CEACAM4: variants seen among roughly 807,000 people sequenced by gnomAD.
CEACAM4 encodes CEA cell adhesion molecule 4.
In CEACAM4, 30 loss-of-function variants were observed where a neutral mutation model predicts 28.7. That is an observed-to-expected ratio of 1.05 (90% CI 0.78 to 1.42). The LOEUF (loss-of-function observed/expected upper bound fraction) is 1.42. Ranked by LOEUF, CEACAM4 falls within the 40% of genes most tolerant of loss-of-function variation. CEACAM4 has a pLI of 0.00. For missense variants in CEACAM4, 330 were observed against 308.2 expected, an observed-to-expected ratio of 1.07 and a Z score of -0.53; for synonymous variants, 143 against 126.5, an observed-to-expected ratio of 1.13 and a Z score of -0.87.
chr19:41,624,750 A>G (rs1351151721), intron 2 of CEACAM4, among the ~76,000 whole-genome samples: 6 of 152,118 alleles, frequency 3.9e-5, no homozygotes, highest in African/African-American at 1.4e-4. Flanking sequence ...TCCCCTCCAT[A>G]CAATATGTAA....
downstream of CEACAM4, among the ~76,000 whole-genome samples, chr19:41,618,418 G>A (rs1555799497): frequency 6.6e-6 from 1 of 152,176 alleles, no homozygotes; most frequent in Non-Finnish European, 1.5e-5. Flanking sequence ...AATCTTGGTT[G>A]CTCTGACAGC....
At chr19:41,624,380 CA>C (rs2071504753) in intron 2 of CEACAM4, among the ~76,000 whole-genome samples, 1 of 152,146 alleles carries the variant, frequency 6.6e-6, no homozygotes, top group Admixed American at 6.5e-5. Context: ...GAATGATACC[CA>C]CACATCAGAA....
At chr19:41,625,003 C>T (rs2071544850) in intron 2 of CEACAM4, among the ~76,000 whole-genome samples, 3 of 152,202 alleles carry the variant, frequency 2.0e-5, no homozygotes, top group Non-Finnish European at 2.9e-5. Flanking sequence ...GCTCCTCATT[C>T]AGGGGGCCAA....
chr19:41,622,597 C>T (rs2071359700), intron 2 of CEACAM4, among the ~76,000 whole-genome samples: 1 of 152,178 alleles, frequency 6.6e-6, no homozygotes, highest in Non-Finnish European at 1.5e-5. Context: ...GAATCTGAGA[C>T]TTACAGTACC....
downstream of CEACAM4, among the ~76,000 whole-genome samples, chr19:41,617,891 G>A (rs1364758573): frequency 2.0e-5 from 3 of 149,946 alleles, no homozygotes; most frequent in African/African-American, 7.3e-5. Context: ...CTCATCTGAC[G>A]CTGTGTGCAG....
chr19:41,615,039 T>A (rs1358004146), downstream of CEACAM4, among the ~76,000 whole-genome samples: 1 of 151,790 alleles, frequency 6.6e-6, no homozygotes, highest in Non-Finnish European at 1.5e-5. Context: ...AACCTGCCTC[T>A]GGGGTACAAG....
chr19:41,614,380 C>T (rs1348459221), downstream of CEACAM4, among the ~76,000 whole-genome samples: 1 of 152,208 alleles, frequency 6.6e-6, no homozygotes, highest in Admixed American at 6.5e-5. Flanking sequence ...GGGAGGCCTT[C>T]AGAAGTAGGA....
At chr19:41,620,154 C>A in intron 5 of CEACAM4, 57 bp downstream of exon 5, 2 of 1,437,498 alleles carry the variant, frequency 1.4e-6, no homozygotes, top group Non-Finnish European at 9.3e-7. Flanking sequence ...TCCCCCTGCC[C>A]TGAGCCTGCA....
chr19:41,621,687 G>A lies in CEACAM4; in HGVS notation c.506C>T (p.Ala169Val), dbSNP rs782754820. Residue 169 changes from alanine to valine, a missense_variant, in exon 3 of 7, where the codon GCC (alanine) becomes GTC (valine). Ala to Val is a moderately conservative substitution (Grantham distance 64). Coordinates refer to ENST00000221954, the MANE Select transcript of CEACAM4 (RefSeq NM_001817.4). ...GVLVGVALVAALVCFLLLSRT... is the reference protein window; with the variant it reads ...GVLVGVALVAVLVCFLLLSRT... ...GGAGAGAAGCAGAAAACACACCAGG[G>A]CGGCCACCAGAGCCACCCCAACCAG... 11 of 1,611,484 alleles carry A rather than the reference G, an allele frequency of 6.8e-6. No homozygotes were observed. The South Asian group carries it at 9.9e-5, about 14-fold the overall frequency.
intron 4 of CEACAM4, 96 bp from the exon 5 acceptor site, chr19:41,620,338 GGA>G: frequency 8.4e-7 from 1 of 1,188,762 alleles, no homozygotes; most frequent in Non-Finnish European, 1.1e-6. Flanking sequence ...AGAGAATCAG[GGA>G]GAGGGAGCCT....
chr19:41,621,793 G>C (rs199597961), intron 2 of CEACAM4, 25 bp from the exon 3 acceptor site: 20 of 1,382,610 alleles, frequency 1.4e-5, no homozygotes, highest in Non-Finnish European at 1.9e-5. Context: ...AGGCAAAGGG[G>C]ACAAGGCCCA....
In CEACAM4 at chr19:41,626,900, C is replaced by A; in HGVS notation, c.64G>T (p.Ala22Ser). ...HRPWQGLLIT[A>S]SLLTFWHPPT... ...CACTCCCAGAGAGTCCTCCCCTCACCTGTGATCAGGAGCCCCTGCCAGGGC... is the reference window on the plus strand; with the variant it reads ...CACTCCCAGAGAGTCCTCCCCTCACATGTGATCAGGAGCCCCTGCCAGGGC... Residue 22 changes from alanine to serine, a missense_variant and splice_region_variant, in exon 1 of 7, where the codon GCC (alanine) becomes TCC (serine). Coordinates refer to ENST00000221954, the MANE Select transcript of CEACAM4 (RefSeq NM_001817.4). The A allele has an allele frequency of 6.2e-7, 1 of 1,611,432 alleles. No homozygotes were observed. Among genetic ancestry groups the A allele is most frequent in the Non-Finnish European group, 8.5e-7 (1 of 1,178,498 alleles).
chr19:41,619,640 G>A (rs1443532431), intron 6 of CEACAM4, 30 bp downstream of exon 6: 5 of 1,583,670 alleles, frequency 3.2e-6, no homozygotes, highest in South Asian at 2.3e-5. Flanking sequence ...TGGAGCCTGC[G>A]GGACCAGAAC....
At chr19:41,624,215 G>T (rs781812724) in intron 2 of CEACAM4, among the ~76,000 whole-genome samples, 2 of 151,932 alleles carry the variant, frequency 1.3e-5, no homozygotes, top group South Asian at 2.1e-4. Flanking sequence ...TTGTATCCAG[G>T]TCTCTGTCTC....
At chr19:41,625,170 C>T (rs1555803273) in intron 2 of CEACAM4, among the ~76,000 whole-genome samples, 1 of 152,198 alleles carries the variant, frequency 6.6e-6, no homozygotes. Context: ...TCCTTGCTCC[C>T]AGTAAGCCCT....
intron 2 of CEACAM4, 119 bp downstream of exon 2, chr19:41,625,482 C>T (rs1555803405): frequency 2.4e-6 from 3 of 1,275,058 alleles, no homozygotes; most frequent in Non-Finnish European, 3.3e-6. Flanking sequence ...ACTAAATGCC[C>T]AAATCTCAAC....
chr19:41,620,100 G>T, intron 5 of CEACAM4, 111 bp downstream of exon 5: 1 of 1,034,720 alleles, frequency 9.7e-7, no homozygotes. Flanking sequence ...TGACCTGACT[G>T]TTCTGGGGAA....
At chr19:41,621,199 A>G (rs781961829) in intron 3 of CEACAM4, among the ~76,000 whole-genome samples, 8 of 152,034 alleles carry the variant, frequency 5.3e-5, no homozygotes, top group Admixed American at 2.6e-4. Context: ...AGGGACATCA[A>G]TCACGATGGG....
chr19:41,620,149 C>T, intron 5 of CEACAM4, 62 bp downstream of exon 5: 2 of 1,410,230 alleles, frequency 1.4e-6, no homozygotes, highest in Non-Finnish European at 1.9e-6. Context: ...GATGGTCCCC[C>T]TGCCCTGAGC....
Sources: allele counts gnomAD v4.1 joint callset (sites outside exome capture counted in the v4.1 genomes callset), GRCh38; gene constraint gnomAD v4.1.1; transcripts MANE v1.5; gene names NCBI Gene and HGNC (gene_info 2026-07-23, HGNC 2026-07-21).